BCAS2: variants seen among roughly 807,000 people sequenced by gnomAD.
BCAS2 encodes pre-mRNA-splicing factor SPF27.
In BCAS2, 34 loss-of-function variants were observed where a neutral mutation model predicts 35.3. That is an observed-to-expected ratio of 0.96 (90% CI 0.73 to 1.28). BCAS2 has a LOEUF of 1.28. BCAS2 is among the 50% of genes most tolerant of loss of function. The probability of loss-of-function intolerance (pLI) is 0.00; values close to 1 mark genes in which losing one functional copy is unlikely to be tolerated. For missense variants in BCAS2, 221 were observed against 268.1 expected (o/e 0.82, Z 1.23); for synonymous variants, 75 against 91.6 (o/e 0.82, Z 1.03).
chr1:114,578,062 G>A lies in BCAS2; in HGVS notation c.187-1304C>T, dbSNP rs971269901. On this transcript the variant is annotated intron_variant, in intron 2 of 6. Transcript: ENST00000369541. ...AAAAATTAGCTGGGCGTGATGGCAC[G>A]TGCCTGTAATCCCAGATACTCGGAG... Among the ~76,000 whole-genome samples, 8 of 152,192 alleles carry A rather than the reference G, an allele frequency of 5.3e-5. No individual in the cohort carries two copies. In the East Asian group the frequency reaches 7.7e-4, roughly 15 times the overall value.
At chr1:114,579,051 G>T (rs939631228) in intron 2 of BCAS2, among the ~76,000 whole-genome samples, 2 of 152,200 alleles carry the variant, frequency 1.3e-5, no homozygotes, top group Non-Finnish European at 2.9e-5. Context: ...CGAGGCAGGT[G>T]ATTCACTTGA....
intron 2 of BCAS2, among the ~76,000 whole-genome samples, chr1:114,576,988 A>C (rs1250293382): frequency 6.6e-6 from 1 of 152,208 alleles, no homozygotes; most frequent in Non-Finnish European, 1.5e-5. Context: ...CACAGAGAAA[A>C]GGATTAATCC....
At position 114,581,595 on chromosome 1, in the gene BCAS2, G is replaced by C; in HGVS notation, c.-4C>G. 6.2e-7 allele frequency: 1 copy of C among 1,613,124 alleles called. No individual in the cohort carries two copies. The highest frequency in any genetic ancestry group is 2.2e-5 in the East Asian group (1 of 44,864). On this transcript the variant is annotated 5_prime_UTR_variant, in exon 1 of 7. Coordinates refer to ENST00000369541, the MANE Select transcript of BCAS2 (RefSeq NM_005872.3). ...CCACCAAACCTGTGCCCGCCATTCT[G>C]AGGACCTCAGGTTTGCCTGCGTTTT...
At chr1:114,568,566 CA>C (rs1480802025) in intron 6 of BCAS2, among the ~76,000 whole-genome samples, 1 of 151,752 alleles carries the variant, frequency 6.6e-6, no homozygotes, top group Non-Finnish European at 1.5e-5. Flanking sequence ...GGGGTTTCAC[CA>C]CGTTGGCCAG....
chr1:114,570,179 A>G, intron 5 of BCAS2, 107 bp from the exon 6 acceptor site: 1 of 761,600 alleles, frequency 1.3e-6, no homozygotes, highest in Non-Finnish European at 2.2e-6. Flanking sequence ...GAACAATATT[A>G]TGTACAGTTA....
At chr1:114,575,285 TGAA>T (rs921758838) in intron 4 of BCAS2, among the ~76,000 whole-genome samples, 3 of 150,070 alleles carry the variant, frequency 2.0e-5, no homozygotes, top group East Asian at 3.9e-4. Context: ...CCTCCCAGGC[TGAA>T]GCAATTGTCA....
At chr1:114,580,802 A>C (rs1654870530) in intron 2 of BCAS2, among the ~76,000 whole-genome samples, 1 of 152,252 alleles carries the variant, frequency 6.6e-6, no homozygotes, top group Non-Finnish European at 1.5e-5. Context: ...GTGTTAATAA[A>C]AACATCGGAT....
At chr1:114,573,908 G>T (rs1251068167) in intron 4 of BCAS2, among the ~76,000 whole-genome samples, 2 of 152,062 alleles carry the variant, frequency 1.3e-5, no homozygotes, top group African/African-American at 2.4e-5. Flanking sequence ...TCATTTCATG[G>T]TTTTGCTTTA....
intron 2 of BCAS2, among the ~76,000 whole-genome samples, chr1:114,579,032 T>G (rs1378959034): frequency 6.6e-6 from 1 of 152,136 alleles, no homozygotes; most frequent in African/African-American, 2.4e-5. Flanking sequence ...TCTCAGCACT[T>G]TGGGAGGCCG....
intron 4 of BCAS2, 34 bp downstream of exon 4, chr1:114,575,555 CA>C: frequency 5.1e-6 from 8 of 1,553,980 alleles, no homozygotes; most frequent in Admixed American, 4.3e-5. Flanking sequence ...AGAGAAAAAA[CA>C]AAAAAAACAG....
intron 2 of BCAS2, among the ~76,000 whole-genome samples, chr1:114,581,098 C>T (rs966531015): frequency 3.3e-5 from 5 of 151,934 alleles, no homozygotes; most frequent in African/African-American, 9.7e-5. Flanking sequence ...GTTGTGGAGC[C>T]CCAGAAAGTC....
chr1:114,578,112 C>T (rs1399627469), intron 2 of BCAS2, among the ~76,000 whole-genome samples: 1 of 152,092 alleles, frequency 6.6e-6, no homozygotes, highest in African/African-American at 2.4e-5. Context: ...ATTGCTTGAA[C>T]CTGGGAGGTG....
chr1:114,570,653 T>C, intron 5 of BCAS2, 47 bp downstream of exon 5: 3 of 1,285,096 alleles, frequency 2.3e-6, no homozygotes, highest in South Asian at 2.6e-5. Context: ...TTCTATTTAT[T>C]AAAGGTTCAC....
rs1336736635 is a variant in BCAS2, at chr1:114,567,894, T to A, written c.*236A>T. ...ACACAATATTATTCTAAAGTCATCC[T>A]TATTTTGAAAGCCTAAAGATTTTCT... is the stretch of plus-strand genomic sequence containing the variant. On this transcript the variant is annotated 3_prime_UTR_variant, in exon 7 of 7. Coordinates refer to ENST00000369541, the MANE Select transcript of BCAS2 (RefSeq NM_005872.3). The A allele has an allele frequency of 2.4e-6, 1 of 424,884 alleles. No individual in the cohort carries two copies. The highest frequency in any genetic ancestry group is 4.1e-6 in the Non-Finnish European group (1 of 243,566). 26.3% of individuals were successfully genotyped at this position (424,884 alleles called of 1,614,324 possible). A position where few individuals can be genotyped will look rare whatever the true frequency, so the allele number is the denominator to read the frequency against.
chr1:114,568,648 T>C (rs988972827), intron 6 of BCAS2, among the ~76,000 whole-genome samples: 4 of 151,588 alleles, frequency 2.6e-5, no homozygotes, highest in Admixed American at 6.6e-5. Flanking sequence ...ATTACAGGCA[T>C]GAGCTACCAT....
At position 114,574,922 on chromosome 1, in the gene BCAS2, T is replaced by C. The variant is rs541418548; in HGVS notation, c.419+668A>G. 2.8e-3 allele frequency among the ~76,000 whole-genome samples: 422 copies of C among 152,186 alleles called. 3 individuals carry two copies. The highest frequency in any genetic ancestry group is 9.5e-3 in the African/African-American group (395 of 41,514). ...TCTCGCTCTGTCACTGTGGCTGGAGTGCAGTGGCACAATCTCAGCTCATTG... is the reference window on the plus strand; with the variant it reads ...TCTCGCTCTGTCACTGTGGCTGGAGCGCAGTGGCACAATCTCAGCTCATTG... On this transcript the variant is annotated intron_variant, in intron 4 of 6. Transcript: ENST00000369541.
intron 2 of BCAS2, among the ~76,000 whole-genome samples, chr1:114,579,548 C>G (rs186386414): frequency 1.1e-4 from 17 of 152,252 alleles, no homozygotes; most frequent in African/African-American, 3.9e-4. Flanking sequence ...AAAACACGTT[C>G]ATAGGAACAT....
At chr1:114,580,006 C>CT (rs1351216818) in intron 2 of BCAS2, among the ~76,000 whole-genome samples, 1 of 151,292 alleles carries the variant, frequency 6.6e-6, no homozygotes, top group Non-Finnish European at 1.5e-5. Context: ...TCATGGCTCA[C>CT]TGTAGCAGTC....
In BCAS2 at chr1:114,576,693, C is replaced by T. The variant is rs1362734714; in HGVS notation, c.252G>A (p.Met84Ile). ...AARQPIELLS[M>I]KRYELPAPSS... ...TTCCATTTTAATATTCTTACCGTTT[C>T]ATACTGAGCAATTCAATTGGTTGTC... Residue 84 changes from methionine (M) to isoleucine (I), a missense_variant, in exon 3 of 7, where the codon ATG becomes ATA. Transcript: ENST00000369541. The T allele has an allele frequency of 6.2e-7, 1 of 1,608,300 alleles. No individual in the cohort carries two copies. The highest frequency in any genetic ancestry group is 1.7e-5 in the Admixed American group (1 of 59,934).
Sources: gnomAD v4.1 joint callset for allele counts (sites outside exome capture counted in the v4.1 genomes callset) on GRCh38, gnomAD v4.1.1 for gene constraint, MANE v1.5 for transcripts, NCBI Gene and HGNC (gene_info 2026-07-23, HGNC 2026-07-21) for gene names.